ADAMTS16: variants seen among roughly 807,000 people sequenced by gnomAD.
ADAMTS16 encodes A disintegrin and metalloproteinase with thrombospondin motifs 16.
In ADAMTS16, 94 loss-of-function variants were observed where a neutral mutation model predicts 145.8. The ratio of observed to expected loss-of-function variants is 0.64; its 90% CI spans 0.55 to 0.77. ADAMTS16 has a LOEUF of 0.77. Ranked by LOEUF, ADAMTS16 falls within the 30% of genes least tolerant of loss-of-function variation. The pLI is 0.00. For missense variants in ADAMTS16, 1,585 were observed against 1,591.5 expected (o/e 1.00, Z 0.07); for synonymous variants, 659 against 604.3 (o/e 1.09, Z -1.33).
chr5:5,282,856 C>A (rs1394923276), intron 18 of ADAMTS16, among the ~76,000 whole-genome samples: 1 of 151,574 alleles, frequency 6.6e-6, no homozygotes, highest in Non-Finnish European at 1.5e-5. Context: ...CTGTTTTTTT[C>A]AAGAACAGTT....
chr5:5,188,484 G>A (rs528118889), intron 6 of ADAMTS16, among the ~76,000 whole-genome samples: 8 of 152,228 alleles, frequency 5.3e-5, no homozygotes, highest in South Asian at 2.1e-4. Context: ...GTAATGGGGA[G>A]GCATTTTAGG....
chr5:5,310,357 A>C lies in ADAMTS16; in HGVS notation c.3411+3629A>C, dbSNP rs1223388204. ...CTGGTCATCTCTCCTCTGGAGAGGG[A>C]CCCCACACTGTGTCTCATTGGCAGC... is the stretch of plus-strand genomic sequence containing the variant. On this transcript the variant is annotated intron_variant, in intron 21 of 22. Coordinates refer to ENST00000274181, the MANE Select transcript of ADAMTS16 (RefSeq NM_139056.4). This position sits in a 1 kb window ranked among gnomAD's most constrained non-coding sequence, Gnocchi z 4.3. Among the ~76,000 whole-genome samples, 3 of 150,484 alleles carry C rather than the reference A, an allele frequency of 2.0e-5. No homozygotes were observed. The highest frequency in any genetic ancestry group is 4.3e-4 in the South Asian group (2 of 4,688).
chr5:5,165,398 A>C (rs1734848109), intron 3 of ADAMTS16, among the ~76,000 whole-genome samples: 1 of 152,184 alleles, frequency 6.6e-6, no homozygotes, highest in South Asian at 2.1e-4. Flanking sequence ...TGCAGCTGCT[A>C]ATCCCTACCT....
In ADAMTS16 at chr5:5,258,191, C is replaced by T. The variant is rs115553108; in HGVS notation, c.2663-4466C>T. On this transcript the variant is annotated intron_variant, in intron 17 of 22. Transcript: ENST00000274181. ...ATCCGCCGTTAGTGATTAGCCAAGTCTCAAGCCTCTCTCCCCTCTCTGGAT... is the reference window on the plus strand; with the variant it reads ...ATCCGCCGTTAGTGATTAGCCAAGTTTCAAGCCTCTCTCCCCTCTCTGGAT... Among the ~76,000 whole-genome samples, 354 of 152,326 alleles carry T rather than the reference C, an allele frequency of 2.3e-3. 2 individuals carry two copies. The highest frequency in any genetic ancestry group is 8.1e-3 in the African/African-American group (335 of 41,572).
At chr5:5,260,916 C>G (rs1737990704) in intron 17 of ADAMTS16, among the ~76,000 whole-genome samples, 1 of 152,148 alleles carries the variant, frequency 6.6e-6, no homozygotes, top group Non-Finnish European at 1.5e-5. Flanking sequence ...TCCTCTGAGA[C>G]AATCTCTTTG....
chr5:5,257,754 G>A (rs2913651), intron 17 of ADAMTS16, among the ~76,000 whole-genome samples: 145,560 of 152,222 alleles, frequency 0.96, 69,819 homozygotes, highest in Non-Finnish European at 1. Flanking sequence ...GTTCAGTTCT[G>A]ATACTGACTA....
At chr5:5,196,671 T>C (rs1735815449) in intron 8 of ADAMTS16, among the ~76,000 whole-genome samples, 1 of 152,228 alleles carries the variant, frequency 6.6e-6, no homozygotes, top group Non-Finnish European at 1.5e-5. Flanking sequence ...CACATATGCA[T>C]ACCAACCATG....
At chr5:5,191,486 A>G (rs1185749340) in intron 7 of ADAMTS16, among the ~76,000 whole-genome samples, 199 bp from the exon 8 acceptor site, 3 of 152,096 alleles carry the variant, frequency 2.0e-5, no homozygotes, top group Non-Finnish European at 4.4e-5. Flanking sequence ...CAATACAGAG[A>G]GTCCTTGGGC....
chr5:5,184,659 G>T (rs571631301), intron 4 of ADAMTS16, among the ~76,000 whole-genome samples: 19 of 152,198 alleles, frequency 1.2e-4, no homozygotes, highest in African/African-American at 4.1e-4. Flanking sequence ...TGATTAGTGG[G>T]CCTGCTGCCC....
chr5:5,303,761 T>G lies in ADAMTS16; in HGVS notation c.3181T>G (p.Ser1061Ala). Residue 1061 changes from serine to alanine, a missense_variant, in exon 20 of 23, where the codon TCC becomes GCC. This residue lies in a region of ADAMTS16 where 834 missense variants were observed against 811.7 expected (regional missense o/e 1.03). Coordinates refer to ENST00000274181, the MANE Select transcript of ADAMTS16 (RefSeq NM_139056.4). Reference protein sequence around the residue: ...KKLQWLVSAWSQCSVTCERGT... With the variant: ...KKLQWLVSAWAQCSVTCERGT... ...GCTGCAGTGGCTGGTGTCCGCCTGGTCCCAGGTAGGTGCACTGGTCTCGCG... is the reference window on the plus strand; with the variant it reads ...GCTGCAGTGGCTGGTGTCCGCCTGGGCCCAGGTAGGTGCACTGGTCTCGCG... 6.2e-7 allele frequency: 1 copy of G among 1,612,692 alleles called. No individual in the cohort carries two copies. The highest frequency in any genetic ancestry group is 8.5e-7 in the Non-Finnish European group (1 of 1,179,838).
intron 21 of ADAMTS16, among the ~76,000 whole-genome samples, chr5:5,314,739 C>G (rs573371056): frequency 1.1e-4 from 17 of 152,296 alleles, no homozygotes; most frequent in African/African-American, 4.1e-4. Context: ...GTGCTTCTCA[C>G]ACCTGTGCAT....
chr5:5,170,474 G>A (rs1464819892), intron 3 of ADAMTS16, among the ~76,000 whole-genome samples: 1 of 152,090 alleles, frequency 6.6e-6, no homozygotes, highest in Non-Finnish European at 1.5e-5. Context: ...CTCCTCCTGG[G>A]TTCAAGCGAT....
In ADAMTS16 at chr5:5,319,236, A is replaced by G. The variant is rs1734182886; in HGVS notation, c.*98A>G. ...CTACGTCGGAATACATCCAAGGAAG[A>G]GCAAAGCCAAAAGAAGAAAACCGTG... On this transcript the variant is annotated 3_prime_UTR_variant, in exon 23 of 23. Transcript: ENST00000274181. 1.1e-6 allele frequency: 1 copy of G among 900,060 alleles called. No individual in the cohort carries two copies. 55.8% of individuals were successfully genotyped at this position (900,060 alleles called of 1,614,324 possible).
At chr5:5,311,680 G>A (rs1401061458) in intron 21 of ADAMTS16, among the ~76,000 whole-genome samples, 2 of 151,658 alleles carry the variant, frequency 1.3e-5, no homozygotes, top group Non-Finnish European at 2.9e-5. Flanking sequence ...CCGAGTAGCT[G>A]GGACTACACG....
intron 9 of ADAMTS16, among the ~76,000 whole-genome samples, chr5:5,202,197 T>C (rs1164141493): frequency 2.0e-5 from 3 of 152,120 alleles, no homozygotes; most frequent in African/African-American, 4.8e-5. Flanking sequence ...AGGGGCTGTG[T>C]TCCTCTAGCT....
rs951070717 is a variant in ADAMTS16, at chr5:5,240,447, A to T, written c.2523+522A>T. ...CTGAACCGAGCAGTTCTGTTTACTC[A>T]TGAATGCAGAGGCTCACAAAATATA... On this transcript the variant is annotated intron_variant, in intron 16 of 22. Transcript: ENST00000274181. Among the ~76,000 whole-genome samples the T allele has an allele frequency of 2.0e-5, 3 of 152,246 alleles. No homozygotes were observed. The East Asian group carries it at 5.8e-4, about 29-fold the overall frequency.
At chr5:5,266,415 A>G (rs1039271551) in intron 18 of ADAMTS16, among the ~76,000 whole-genome samples, 34 of 152,222 alleles carry the variant, frequency 2.2e-4, no homozygotes, top group African/African-American at 7.7e-4. Context: ...GGCAGCAGAG[A>G]GAAGCAAAAG....
At chr5:5,255,569 C>T (rs1315041351) in intron 17 of ADAMTS16, among the ~76,000 whole-genome samples, 1 of 152,234 alleles carries the variant, frequency 6.6e-6, no homozygotes, top group Non-Finnish European at 1.5e-5. Flanking sequence ...AAAGCCCATC[C>T]TTACATCCAC....
At chr5:5,146,832 A>G (rs1274972334) in intron 3 of ADAMTS16, among the ~76,000 whole-genome samples, 1 of 152,234 alleles carries the variant, frequency 6.6e-6, no homozygotes, top group Non-Finnish European at 1.5e-5. Context: ...GAATAAAACA[A>G]CACAATTCAA....
Sources: gnomAD v4.1 joint callset for allele counts (sites outside exome capture counted in the v4.1 genomes callset) on GRCh38, gnomAD v4.1.1 for gene constraint, gnomAD v4.1.1 regional missense constraint, Gnocchi (gnomAD v3.1) non-coding constraint, MANE v1.5 for transcripts, NCBI Gene and HGNC (gene_info 2026-07-23, HGNC 2026-07-21) for gene names.